The following PLCB1 variants were observed in gnomAD, a reference collection of about 807,000 sequenced individuals.
PLCB1 encodes 1-phosphatidylinositol 4,5-bisphosphate phosphodiesterase beta-1.
A neutral mutation model predicts 161.8 loss-of-function variants in PLCB1; 46 were observed. The ratio of observed to expected loss-of-function variants is 0.28; its 90% CI spans 0.22 to 0.36. The LOEUF (loss-of-function observed/expected upper bound fraction) is 0.36, where lower values mean the gene tolerates loss of function less well. PLCB1 is among the 10% of genes least tolerant of loss of function. The pLI, the probability that PLCB1 is intolerant of heterozygous loss-of-function variation, is 1.00. For missense variants in PLCB1, 1,016 were observed against 1,472.5 expected (o/e 0.69, Z 5.07); for synonymous variants, 517 against 503.7 (o/e 1.03, Z -0.35).
At position 8,737,073 on chromosome 20, in the gene PLCB1, G is replaced by A. The variant is rs759175438; in HGVS notation, c.2089G>A (p.Val697Met). 19 of 1,613,442 alleles carry A rather than the reference G, an allele frequency of 1.2e-5. No homozygotes were observed. Among genetic ancestry groups the A allele is most frequent in the Admixed American group, 1.0e-4 (6 of 60,002 alleles). Residue 697 changes from valine to methionine, a missense_variant, in exon 20 of 32, where the codon GTG (valine) becomes ATG (methionine). Val to Met is a conservative substitution (Grantham distance 21). This residue lies in a region of PLCB1 where 67 missense variants were observed against 195.6 expected (regional missense o/e 0.34). Transcript: ENST00000338037. ...FLSDKKVGTY[V>M]EVDMFGLPVD... ...TTCTGATAAGAAAGTTGGGACTTAC[G>A]TGGAAGTAGATATGTTTGGTTTGCC... is the stretch of plus-strand genomic sequence containing the variant.
chr20:8,205,408 A>T (rs1978472053), intron 2 of PLCB1, among the ~76,000 whole-genome samples: 1 of 152,230 alleles, frequency 6.6e-6, no homozygotes, highest in Non-Finnish European at 1.5e-5. Flanking sequence ...GAGAAGAGAA[A>T]TGTATGATTA....
chr20:8,793,607 C>T (rs1003253902), intron 31 of PLCB1, among the ~76,000 whole-genome samples: 11 of 151,984 alleles, frequency 7.2e-5, no homozygotes, highest in African/African-American at 2.4e-4. Context: ...AGGGAGTGTG[C>T]AAATAGGTGT....
intron 3 of PLCB1, among the ~76,000 whole-genome samples, chr20:8,384,338 C>G (rs917625502): frequency 3.3e-5 from 5 of 151,898 alleles, no homozygotes; most frequent in Admixed American, 6.6e-5. Flanking sequence ...GTGCATGCTT[C>G]ACAAAGTTCT....
At chr20:8,541,596 G>GAAAGAAAGAAATAAATAAAT (rs1555769066) in intron 3 of PLCB1, among the ~76,000 whole-genome samples, 1 of 150,426 alleles carries the variant, frequency 6.6e-6, no homozygotes, top group African/African-American at 2.5e-5. Flanking sequence ...AAGAAAGAAA[G>GAAAGAAAGAAATAAATAAAT]AAAGAAAGAA....
At chr20:8,460,978 C>G (rs1460345714) in intron 3 of PLCB1, among the ~76,000 whole-genome samples, 1 of 152,136 alleles carries the variant, frequency 6.6e-6, no homozygotes, top group Non-Finnish European at 1.5e-5. Flanking sequence ...CTGTGCCATC[C>G]AAATGAGTGG....
chr20:8,357,243 A>C (rs546396045), intron 2 of PLCB1, among the ~76,000 whole-genome samples: 1 of 152,228 alleles, frequency 6.6e-6, no homozygotes, highest in Non-Finnish European at 1.5e-5. Flanking sequence ...AAATTGTGGA[A>C]TGAATGAATA....
intron 2 of PLCB1, among the ~76,000 whole-genome samples, chr20:8,268,361 T>C (rs1403470497): frequency 1.3e-5 from 2 of 152,186 alleles, no homozygotes; most frequent in Non-Finnish European, 2.9e-5. Flanking sequence ...TAATCCAGTC[T>C]ATCATTGATG....
intron 2 of PLCB1, among the ~76,000 whole-genome samples, chr20:8,170,259 G>A (rs1379274917): frequency 6.6e-6 from 1 of 152,148 alleles, no homozygotes; most frequent in South Asian, 2.1e-4. Context: ...AAAATAGCAG[G>A]TATTTCTTTC....
intron 2 of PLCB1, among the ~76,000 whole-genome samples, chr20:8,330,326 C>T (rs1430985344): frequency 6.6e-6 from 1 of 152,162 alleles, no homozygotes; most frequent in Non-Finnish European, 1.5e-5. Flanking sequence ...CAACTTGCAC[C>T]AAGCCTCACA....
intron 26 of PLCB1, among the ~76,000 whole-genome samples, chr20:8,766,401 G>C (rs889452704): frequency 6.6e-6 from 1 of 152,158 alleles, no homozygotes; most frequent in African/African-American, 2.4e-5. Context: ...GGTCAGCTAT[G>C]GAAAGAACTA....
intron 9 of PLCB1, among the ~76,000 whole-genome samples, chr20:8,667,966 G>C (rs1326330103): frequency 6.6e-6 from 1 of 152,112 alleles, no homozygotes; most frequent in Non-Finnish European, 1.5e-5. Context: ...AGGTTGCAGT[G>C]CGTGTGGGGT....
chr20:8,305,304 A>T (rs1456066392), intron 2 of PLCB1, among the ~76,000 whole-genome samples: 1 of 152,210 alleles, frequency 6.6e-6, no homozygotes, highest in Non-Finnish European at 1.5e-5. Context: ...CTTTATGAAG[A>T]AGACCTTCTT....
chr20:8,798,373 C>T (rs1465248307), intron 31 of PLCB1, among the ~76,000 whole-genome samples: 3 of 152,032 alleles, frequency 2.0e-5, no homozygotes, highest in Non-Finnish European at 4.4e-5. Context: ...AAAAACAGAG[C>T]CAGTAAAAGA....
intron 3 of PLCB1, among the ~76,000 whole-genome samples, chr20:8,555,733 T>C (rs1200425960): frequency 6.6e-6 from 1 of 152,096 alleles, no homozygotes; most frequent in Non-Finnish European, 1.5e-5. Flanking sequence ...ATCATAAATA[T>C]TACAGGAGCT....
chr20:8,721,346 ATAG>A (rs1169586953), intron 14 of PLCB1, among the ~76,000 whole-genome samples: 1 of 152,214 alleles, frequency 6.6e-6, no homozygotes, highest in African/African-American at 2.4e-5. Context: ...GCCCTGAAAG[ATAG>A]TAGTTAAATC....
intron 3 of PLCB1, among the ~76,000 whole-genome samples, chr20:8,564,040 C>A (rs1030540029): frequency 4.6e-5 from 7 of 152,074 alleles, no homozygotes; most frequent in African/African-American, 1.7e-4. Context: ...GTAGCCAAGA[C>A]AATCCTAAGC....
intron 3 of PLCB1, among the ~76,000 whole-genome samples, chr20:8,556,688 TGTGTGTGTGTGTG>T (rs1985966472): frequency 6.6e-6 from 1 of 150,944 alleles, no homozygotes; most frequent in African/African-American, 2.5e-5. Flanking sequence ...TGTGTGTGTG[TGTGTGTGTGTGTG>T]TTTGCTCTAG....
chr20:8,217,586 T>A (rs1320183355), intron 2 of PLCB1, among the ~76,000 whole-genome samples: 1 of 152,112 alleles, frequency 6.6e-6, no homozygotes, highest in Admixed American at 6.6e-5. Context: ...TACCAAAGTA[T>A]GAAATGCAGT....
At chr20:8,792,226 CT>C (rs1445823516) in intron 31 of PLCB1, 3 of 180,734 alleles carry the variant, frequency 1.7e-5, no homozygotes, top group East Asian at 1.3e-4. Flanking sequence ...CCTACATCCC[CT>C]CTAGCTGGTG....
Sources: gnomAD v4.1 joint callset for allele counts (sites outside exome capture counted in the v4.1 genomes callset) on GRCh38, gnomAD v4.1.1 for gene constraint, gnomAD v4.1.1 regional missense constraint, MANE v1.5 for transcripts, NCBI Gene and HGNC (gene_info 2026-07-23, HGNC 2026-07-21) for gene names.